The following FAT1 variants were observed in gnomAD, a reference collection of about 807,000 sequenced individuals.
The protein encoded by FAT1 is FAT atypical cadherin 1, also known as protocadherin Fat 1.
FAT1 carries 171 observed loss-of-function variants against 329.8 expected under a neutral mutation model. The ratio of observed to expected loss-of-function variants is 0.52; its 90% CI spans 0.46 to 0.59. The LOEUF is 0.59. Ranked by LOEUF, FAT1 falls within the 20% of genes least tolerant of loss-of-function variation. The pLI, the probability that FAT1 is intolerant of heterozygous loss-of-function variation, is 0.00. For synonymous variants in FAT1, 2,233 were observed against 2,228.6 expected (o/e 1.00, Z -0.06); for missense variants, 5,672 against 5,774.4 (o/e 0.98, Z 0.57).
chr4:186,602,115 G>T (rs560576602), intron 20 of FAT1, among the ~76,000 whole-genome samples: 1 of 152,250 alleles, frequency 6.6e-6, no homozygotes, highest in South Asian at 2.1e-4. Context: ...AGTAGCCAGA[G>T]AAATGCAAAT....
intron 2 of FAT1, among the ~76,000 whole-genome samples, chr4:186,699,388 G>T (rs1428983218): frequency 6.6e-6 from 1 of 152,164 alleles, no homozygotes; most frequent in Non-Finnish European, 1.5e-5. Context: ...CCACTCGGAG[G>T]CCTAGCAATG....
At chr4:186,716,555 G>A (rs562525994) in intron 1 of FAT1, among the ~76,000 whole-genome samples, 1 of 152,050 alleles carries the variant, frequency 6.6e-6, no homozygotes, top group African/African-American at 2.4e-5. Flanking sequence ...CGCCTCCGGG[G>A]TACCTGGGCG....
At chr4:186,624,367 G>T (rs1006117213) in intron 9 of FAT1, among the ~76,000 whole-genome samples, 4 of 152,062 alleles carry the variant, frequency 2.6e-5, no homozygotes, top group African/African-American at 9.7e-5. Context: ...TGTTCAGCTG[G>T]GGCCCCACTG....
chr4:186,724,141 TG>T (rs1745619933), upstream of FAT1, among the ~76,000 whole-genome samples: 1 of 129,534 alleles, frequency 7.7e-6, no homozygotes, highest in Non-Finnish European at 1.5e-5. The surrounding 1 kb of genome is among the most constrained non-coding windows in gnomAD (Gnocchi z 5.3). Context: ...TGCAAGGAAT[TG>T]GGGAAAGCTC....
chr4:186,708,851 T>G lies in FAT1; in HGVS notation c.977A>C (p.Asp326Ala), dbSNP rs199884780. Residue 326 changes from aspartate to alanine, a missense_variant, in exon 2 of 27, where the codon GAC becomes GCC. Physicochemically the swap from Asp to Ala is moderately radical, Grantham distance 126 (BLOSUM62 -2). Around this residue, in one of 2 missense-constraint regions of FAT1, gnomAD observed 3,966 missense variants for 3,915.2 expected, o/e 1.01. Coordinates refer to ENST00000441802, the MANE Select transcript of FAT1 (RefSeq NM_005245.4). ...KVKAIGGIDW[D>A]SHPFGYNLTL... ...GAGATTGTAGCCGAAAGGATGACTG[T>G]CCCAATCAATGCCACCGATGGCTTT... The G allele has an allele frequency of 6.2e-7, 1 of 1,613,958 alleles. No individual in the cohort carries two copies. Among genetic ancestry groups the G allele is most frequent in the Non-Finnish European group, 8.5e-7 (1 of 1,179,894 alleles).
At chr4:186,724,292 G>A (rs1745630831), upstream of FAT1, among the ~76,000 whole-genome samples, 1 of 151,376 alleles carries the variant, frequency 6.6e-6, no homozygotes. The surrounding 1 kb of genome is among the most constrained non-coding windows in gnomAD (Gnocchi z 5.3). Context: ...GCATTTGAAT[G>A]GCGCGGCTCT....
chr4:186,602,167 T>C (rs1038988990), intron 20 of FAT1, among the ~76,000 whole-genome samples: 1 of 152,086 alleles, frequency 6.6e-6, no homozygotes, highest in Non-Finnish European at 1.5e-5. Context: ...ATAAAATAGA[T>C]GGTGGGGAAT....
chr4:186,700,633 C>T (rs199922941), intron 2 of FAT1, among the ~76,000 whole-genome samples: 1 of 152,120 alleles, frequency 6.6e-6, no homozygotes, highest in Non-Finnish European at 1.5e-5. Flanking sequence ...GAACAGGCTC[C>T]CTCGCAGCAT....
chr4:186,726,460 CCT>C (rs1745723031), upstream of FAT1: 1 of 150,694 alleles, frequency 6.6e-6, no homozygotes, highest in African/African-American at 2.5e-5. Context: ...ACCAACTTTG[CCT>C]CCCCGGGATC....
chr4:186,628,620 T>A lies in FAT1; in HGVS notation c.4467A>T (p.Leu1489=). 2 of 1,612,854 alleles carry A rather than the reference T, an allele frequency of 1.2e-6. No individual in the cohort carries two copies. ...CTCTACTGCTCTGCAGAGTGTAGATTAGTTTGTTTTTCTCATCCTGATCCA... is the reference window on the plus strand; with the variant it reads ...CTCTACTGCTCTGCAGAGTGTAGATAAGTTTGTTTTTCTCATCCTGATCCA... ...SAVDQDEKNK[L]IYTLQSSRDP... Residue 1489 remains leucine, a synonymous_variant, in exon 8 of 27, where the codon CTA becomes CTT. Coordinates refer to ENST00000441802, the MANE Select transcript of FAT1 (RefSeq NM_005245.4).
At chr4:186,625,874 G>A (rs140217021) in intron 9 of FAT1, among the ~76,000 whole-genome samples, 1 of 152,224 alleles carries the variant, frequency 6.6e-6, no homozygotes, top group Admixed American at 6.5e-5. Flanking sequence ...CAATGGCAAC[G>A]CCTACGTACC....
chr4:186,693,836 A>T (rs577188013), intron 2 of FAT1, among the ~76,000 whole-genome samples: 7 of 152,312 alleles, frequency 4.6e-5, no homozygotes, highest in Non-Finnish European at 1.0e-4. Flanking sequence ...ATTTGCCTAC[A>T]CTTATTCCAC....
In FAT1 at chr4:186,620,835, G is replaced by A. The variant is rs2126519606; in HGVS notation, c.5751C>T (p.Ser1917=). ...TCTCCCCGATGTTGCCTTCGGTGAT[G>A]GAGTAAATCAACTGTGAGAATGCAC... ...DSSAFSQLIY[S]ITEGNIGEKF... The change falls in exon 10 of 27, where the codon TCC becomes TCT. Residue 1917 remains serine, a synonymous_variant. Transcript: ENST00000441802. The A allele has an allele frequency of 6.2e-7, 1 of 1,614,008 alleles. No individual in the cohort carries two copies. The highest frequency in any genetic ancestry group is 1.3e-5 in the African/African-American group (1 of 75,052).
rs867550264 is a variant in FAT1 at position 186,619,630 on chromosome 4, G to A, written c.6956C>T (p.Ser2319Leu). Reference protein sequence around the residue: ...DSDSEPNRGISYQMFGNHSKS... With the variant: ...DSDSEPNRGILYQMFGNHSKS... The stretch of plus-strand genomic sequence containing the variant: ...GCTGTGATTCCCAAACATCTGGTAT[G>A]AGATTCCTCTATTTGGTTCTGAATC... Residue 2319 changes from serine to leucine, a missense_variant, in exon 10 of 27, where the codon TCA (serine) becomes TTA (leucine). This residue lies in a region of FAT1 where 3,966 missense variants were observed against 3,915.2 expected (regional missense o/e 1.01). Transcript: ENST00000441802. The A allele has an allele frequency of 1.9e-6, 3 of 1,613,934 alleles. No individual in the cohort carries two copies. Among genetic ancestry groups the A allele is most frequent in the Non-Finnish European group, 2.5e-6 (3 of 1,179,884 alleles).
chr4:186,720,601 G>T (rs1416021558), intron 1 of FAT1, among the ~76,000 whole-genome samples: 1 of 152,174 alleles, frequency 6.6e-6, no homozygotes, highest in African/African-American at 2.4e-5. Context: ...TCACTGAGGT[G>T]CTGCTATGGA....
At chr4:186,659,044 C>T (rs921767873) in intron 3 of FAT1, among the ~76,000 whole-genome samples, 1 of 152,226 alleles carries the variant, frequency 6.6e-6, no homozygotes, top group African/African-American at 2.4e-5. Context: ...GCACATACGA[C>T]CGTGGTTGTG....
chr4:186,613,325 T>C lies in FAT1; in HGVS notation c.9247A>G (p.Thr3083Ala), dbSNP rs754953243. 3.7e-6 allele frequency: 6 copies of C among 1,613,786 alleles called. No individual in the cohort carries two copies. The highest frequency in any genetic ancestry group is 3.3e-5 in the South Asian group (3 of 91,072). Reference protein sequence around the residue: ...NPDTGELKTSTPLDREEQAVY... With the variant: ...NPDTGELKTSAPLDREEQAVY... ...GCTTGCTCCTCACGATCAAGGGGGG[T>C]TGACGTTTTCAGTTCACCTACAAAC... The change falls in exon 13 of 27, where the codon ACC becomes GCC. Residue 3083 changes from threonine to alanine, a missense_variant. By Grantham distance (58) the Thr-to-Ala change is moderately conservative (BLOSUM62 0). This residue lies in a region of FAT1 where 3,966 missense variants were observed against 3,915.2 expected (regional missense o/e 1.01). Coordinates refer to ENST00000441802, the MANE Select transcript of FAT1 (RefSeq NM_005245.4).
intron 2 of FAT1, among the ~76,000 whole-genome samples, chr4:186,692,887 C>T (rs1422176424): frequency 6.6e-6 from 1 of 152,138 alleles, no homozygotes; most frequent in Non-Finnish European, 1.5e-5. Context: ...CCCTTGCTGC[C>T]CTTTACCAGA....
In FAT1 at chr4:186,628,165, G is replaced by A. The variant is rs763980330; in HGVS notation, c.4799C>T (p.Ser1600Leu). The A allele has an allele frequency of 8.1e-6, 13 of 1,613,580 alleles. No individual in the cohort carries two copies. Among genetic ancestry groups the A allele is most frequent in the South Asian group, 4.4e-5 (4 of 90,978 alleles). ...DKGKNAEVLYSIESGNIGNSF... is the reference protein window; with the variant it reads ...DKGKNAEVLYLIESGNIGNSF... ...GGCTCCAAAAGTACCTGACTCGATC[G>A]AGTACAGCACTTCAGCATTTTTCCC... The change falls in exon 9 of 27, where the codon TCG (serine) becomes TTG (leucine). Residue 1600 changes from serine (S) to leucine (L), a missense_variant. Physicochemically the swap from Ser to Leu is moderately radical, Grantham distance 145. Transcript: ENST00000441802.
Sources: gnomAD v4.1 joint callset for allele counts (sites outside exome capture counted in the v4.1 genomes callset) on GRCh38, gnomAD v4.1.1 for gene constraint, gnomAD v4.1.1 regional missense constraint, Gnocchi (gnomAD v3.1) non-coding constraint, MANE v1.5 for transcripts, NCBI Gene and HGNC (gene_info 2026-07-23, HGNC 2026-07-21) for gene names.